BBX: variants seen among roughly 807,000 people sequenced by gnomAD.
BBX encodes the protein BBX high mobility group box domain containing, also known as HMG box transcription factor BBX.
In BBX, 30 loss-of-function variants were observed where a neutral mutation model predicts 100.2. The ratio of observed to expected loss-of-function variants is 0.30; its 90% CI spans 0.22 to 0.41. The LOEUF (loss-of-function observed/expected upper bound fraction) is 0.41. BBX is among the 10% of genes least tolerant of loss of function. The pLI is 1.00. For synonymous variants in BBX, 376 were observed against 388.1 expected (o/e 0.97, Z 0.37); for missense variants, 1,023 against 1,129.8 (o/e 0.91, Z 1.35).
chr3:107,566,202 AGAT>A (rs1210197642), intron 2 of BBX, among the ~76,000 whole-genome samples: 3 of 147,958 alleles, frequency 2.0e-5, no homozygotes, highest in South Asian at 2.1e-4. Flanking sequence ...AAAAAAAAAA[AGAT>A]AGTTTGTTGA....
chr3:107,690,748 A>G (rs2060107127), intron 3 of BBX, among the ~76,000 whole-genome samples: 1 of 151,892 alleles, frequency 6.6e-6, no homozygotes, highest in Non-Finnish European at 1.5e-5. Flanking sequence ...TAAGGAAGAT[A>G]CTCTAGGGTA....
intron 2 of BBX, among the ~76,000 whole-genome samples, chr3:107,544,265 C>T (rs1194720304): frequency 6.6e-6 from 1 of 152,108 alleles, no homozygotes; most frequent in Non-Finnish European, 1.5e-5. Flanking sequence ...TTTTGTGATA[C>T]TTTATTTCTA....
chr3:107,641,648 TA>T (rs1297463217), intron 2 of BBX: 1 of 152,228 alleles, frequency 6.6e-6, no homozygotes, highest in African/African-American at 2.4e-5. Context: ...TTTATTACTA[TA>T]TTTAATGTTT....
intron 2 of BBX, among the ~76,000 whole-genome samples, chr3:107,631,270 C>G (rs2056530315): frequency 6.6e-6 from 1 of 152,156 alleles, no homozygotes; most frequent in Admixed American, 6.5e-5. Flanking sequence ...TGACTATAGC[C>G]TAATCAAACA....
At chr3:107,559,166 C>T (rs545943787) in intron 2 of BBX, among the ~76,000 whole-genome samples, 2 of 152,172 alleles carry the variant, frequency 1.3e-5, no homozygotes, top group South Asian at 4.1e-4. Flanking sequence ...CCCTAGATGC[C>T]AGACAAGTGA....
intron 2 of BBX, among the ~76,000 whole-genome samples, chr3:107,571,182 G>T (rs2051327565): frequency 6.6e-6 from 1 of 152,092 alleles, no homozygotes; most frequent in Non-Finnish European, 1.5e-5. Flanking sequence ...AAAGAGAAAG[G>T]TAGTGACACG....
chr3:107,720,148 A>C (rs567932155), intron 5 of BBX, among the ~76,000 whole-genome samples: 9 of 152,028 alleles, frequency 5.9e-5, no homozygotes, highest in Non-Finnish European at 1.0e-4. Context: ...CAGAGCAGGA[A>C]TCTAAGGCTC....
intron 2 of BBX, among the ~76,000 whole-genome samples, chr3:107,615,075 C>T (rs2055149861): frequency 1.3e-5 from 2 of 151,992 alleles, no homozygotes; most frequent in Admixed American, 6.5e-5. Context: ...AGTCTGTTTG[C>T]CAGGAGGAAT....
chr3:107,564,418 T>C (rs1262742666), intron 2 of BBX, among the ~76,000 whole-genome samples: 1 of 152,230 alleles, frequency 6.6e-6, no homozygotes, highest in Non-Finnish European at 1.5e-5. Context: ...TTTATCAATT[T>C]TTCCCTTTTT....
At position 107,773,422 on chromosome 3, in the gene BBX, G is replaced by C; in HGVS notation, c.1701G>C (p.Glu567Asp). ...CTGCTAGCAAGAACATTTCTGGTGA[G>C]ACACCAGAGGGTATAAAAGCAGAAC... ...SISASKNISG[E>D]TPEGIKAEPL... The change falls in exon 11 of 18, where the codon GAG becomes GAC. Residue 567 changes from glutamate (E) to aspartate (D), a missense_variant. This residue lies in a region of BBX where 348 missense variants were observed against 353.2 expected (regional missense o/e 0.99). Transcript: ENST00000325805. This position sits in a 1 kb window ranked among gnomAD's most constrained non-coding sequence, Gnocchi z 4.1. The C allele has an allele frequency of 6.2e-7, 1 of 1,614,006 alleles. No homozygotes were observed. The highest frequency in any genetic ancestry group is 8.5e-7 in the Non-Finnish European group (1 of 1,179,930).
chr3:107,555,688 C>T (rs1363844353), intron 2 of BBX, among the ~76,000 whole-genome samples: 1 of 152,182 alleles, frequency 6.6e-6, no homozygotes, highest in African/African-American at 2.4e-5. Context: ...GGAAAGCTGC[C>T]ACTGAAGAAG....
chr3:107,810,725 A>G lies in BBX; in HGVS notation c.*5268A>G, dbSNP rs1460391145. The G allele has an allele frequency of 1.3e-5, 2 of 152,224 alleles. No homozygotes were observed. The highest frequency in any genetic ancestry group is 4.8e-5 in the African/African-American group (2 of 41,456). The allele number at this position is 152,224 out of a possible 1,614,324, so 9.4% of individuals were successfully genotyped here. A position where few individuals can be genotyped will look rare whatever the true frequency, so the allele number is the denominator to read the frequency against. ...ACGTTTTCTCCATTTCATTAGCACT[A>G]AACAAGTCTCTTGCTCTCAGGAATT... On this transcript the variant is annotated 3_prime_UTR_variant, in exon 18 of 18. Transcript: ENST00000325805.
intron 2 of BBX, among the ~76,000 whole-genome samples, chr3:107,568,217 C>T (rs903269153): frequency 6.6e-6 from 1 of 150,378 alleles, no homozygotes; most frequent in African/African-American, 2.4e-5. Flanking sequence ...AATGTGGAGG[C>T]TGTTGGAGTC....
At chr3:107,723,301 T>A (rs2062670901) in intron 5 of BBX, among the ~76,000 whole-genome samples, 2 of 152,054 alleles carry the variant, frequency 1.3e-5, no homozygotes, top group Non-Finnish European at 2.9e-5. Context: ...CGGAGAACAG[T>A]TGGTAAGTCT....
chr3:107,624,573 A>G (rs1445509124), intron 2 of BBX, among the ~76,000 whole-genome samples: 3 of 152,220 alleles, frequency 2.0e-5, no homozygotes, highest in East Asian at 3.8e-4. Context: ...GATTTCTTTT[A>G]GTTAAAAGTA....
intron 3 of BBX, among the ~76,000 whole-genome samples, chr3:107,682,917 T>A (rs2059643154): frequency 6.6e-6 from 1 of 152,206 alleles, no homozygotes; most frequent in Non-Finnish European, 1.5e-5. Flanking sequence ...CCTGATACTT[T>A]GTCCTCCATT....
intron 9 of BBX, among the ~76,000 whole-genome samples, chr3:107,749,716 C>T (rs1209428230): frequency 6.6e-6 from 1 of 151,818 alleles, no homozygotes; most frequent in Non-Finnish European, 1.5e-5. Flanking sequence ...TCACTGCAAC[C>T]TCCACCTCCC....
At chr3:107,764,141 C>A (rs1035496038) in intron 10 of BBX, among the ~76,000 whole-genome samples, 2 of 152,120 alleles carry the variant, frequency 1.3e-5, no homozygotes, top group Non-Finnish European at 2.9e-5. Context: ...TACAGGCGCC[C>A]GCCACCATGC....
intron 2 of BBX, among the ~76,000 whole-genome samples, chr3:107,623,806 G>T (rs893165778): frequency 6.6e-6 from 1 of 152,146 alleles, no homozygotes; most frequent in Non-Finnish European, 1.5e-5. Flanking sequence ...TATGGGTTGG[G>T]CACTGTACAG....
Sources: allele counts gnomAD v4.1 joint callset (sites outside exome capture counted in the v4.1 genomes callset), GRCh38; gene constraint gnomAD v4.1.1; regional missense constraint gnomAD v4.1.1; non-coding constraint Gnocchi (gnomAD v3.1); transcripts MANE v1.5; gene names NCBI Gene and HGNC (gene_info 2026-07-23, HGNC 2026-07-21).